Variants in MGAT5 observed in about 807,000 individuals in gnomAD.
The protein encoded by MGAT5 is alpha-1,6-mannosylglycoprotein 6-beta-N-acetylglucosaminyltransferase.
A neutral mutation model predicts 94.3 loss-of-function variants in MGAT5; 30 were observed. That is an observed-to-expected ratio of 0.32 (90% CI 0.24 to 0.43). The LOEUF is 0.43. Ranked by LOEUF, MGAT5 falls within the 20% of genes least tolerant of loss-of-function variation. The pLI, the probability that MGAT5 is intolerant of heterozygous loss-of-function variation, is 1.00. For synonymous variants in MGAT5, 310 were observed against 322.9 expected (o/e 0.96, Z 0.43); for missense variants, 691 against 905.5 (o/e 0.76, Z 3.04).
intron 2 of MGAT5, among the ~76,000 whole-genome samples, chr2:134,280,423 G>C (rs1174874735): frequency 6.6e-6 from 1 of 152,188 alleles, no homozygotes; most frequent in African/African-American, 2.4e-5. Flanking sequence ...AGTCACCCGA[G>C]GACGACATGT....
intron 1 of MGAT5, among the ~76,000 whole-genome samples, chr2:134,218,836 A>G (rs944042215): frequency 1.3e-5 from 2 of 152,182 alleles, no homozygotes; most frequent in African/African-American, 4.8e-5. Flanking sequence ...TCATTCGATT[A>G]GCCTGCCACA....
At chr2:134,364,623 G>A (rs1680308883) in intron 10 of MGAT5, among the ~76,000 whole-genome samples, 1 of 152,206 alleles carries the variant, frequency 6.6e-6, no homozygotes, top group Admixed American at 6.5e-5. Flanking sequence ...CTGTGTACCT[G>A]TGCTGTGCAG....
Position 134,276,884 on chromosome 2 carries a change from A to T in MGAT5, c.406+6334A>T, listed in dbSNP as rs78838048. Among the ~76,000 whole-genome samples the T allele has an allele frequency of 7.4e-3, 1,130 of 152,278 alleles. 17 individuals are homozygous for T. The highest frequency in any genetic ancestry group is 0.026 in the African/African-American group (1,069 of 41,540). ...CCCACGTTAGGGTGAAGCTGGTGTT[A>T]TGGGGACACGGACAGACCGTGGGAC... On this transcript the variant is annotated intron_variant, in intron 2 of 15. Transcript: ENST00000281923.
chr2:134,282,603 C>G (rs538552513), intron 2 of MGAT5, among the ~76,000 whole-genome samples: 78 of 152,284 alleles, frequency 5.1e-4, no homozygotes, highest in Non-Finnish European at 8.2e-4. Flanking sequence ...TGTTCTGTGC[C>G]AGGCACTGTC....
At chr2:134,142,050 A>T (rs1437387437) in intron 1 of MGAT5, among the ~76,000 whole-genome samples, 1 of 152,110 alleles carries the variant, frequency 6.6e-6, no homozygotes, top group Non-Finnish European at 1.5e-5. Flanking sequence ...GAGCAGGGGA[A>T]CTTGAAGTGG....
rs138428809 is a variant in MGAT5 at position 134,142,207 on chromosome 2, A to T, written c.-143+21916A>T. Among the ~76,000 whole-genome samples, 218 of 152,294 alleles carry T rather than the reference A, an allele frequency of 1.4e-3. 2 individuals are homozygous for T. The highest frequency in any genetic ancestry group is 5.1e-3 in the African/African-American group (213 of 41,552). On this transcript the variant is annotated intron_variant, in intron 1 of 16. Coordinates refer to the MGAT5 transcript ENST00000409645. ...AAGCTGTGCTGAGCCTGAGAGGGGA[A>T]AGGTGGGCCCTGTGGTTTAGGTGTT...
intron 1 of MGAT5, among the ~76,000 whole-genome samples, chr2:134,230,816 G>T (rs1681319124): frequency 1.2e-5 from 1 of 86,028 alleles, no homozygotes; most frequent in Non-Finnish European, 2.6e-5. Flanking sequence ...TATACTCAAG[G>T]GGAATGAAAA....
intron 8 of MGAT5, 111 bp downstream of exon 8, chr2:134,345,175 A>T (rs1688849080): frequency 1.8e-6 from 2 of 1,083,450 alleles, no homozygotes; most frequent in South Asian, 4.0e-5. Context: ...AGCTGTATGG[A>T]GTGTTGCTCA....
At chr2:134,243,093 G>T (rs559319684) in intron 1 of MGAT5, among the ~76,000 whole-genome samples, 2 of 151,880 alleles carry the variant, frequency 1.3e-5, no homozygotes, top group African/African-American at 4.8e-5. Flanking sequence ...CACATTTTGG[G>T]TTTCACTAGA....
chr2:134,246,970 G>T (rs1040062762), intron 1 of MGAT5, among the ~76,000 whole-genome samples: 1 of 152,158 alleles, frequency 6.6e-6, no homozygotes, highest in African/African-American at 2.4e-5. Flanking sequence ...TGGTTCTGTG[G>T]TGAGCACAAA....
At chr2:134,312,059 G>A (rs904789594) in intron 2 of MGAT5, among the ~76,000 whole-genome samples, 6 of 152,248 alleles carry the variant, frequency 3.9e-5, no homozygotes, top group African/African-American at 1.2e-4. Flanking sequence ...AGACCAGCCT[G>A]GCCAACATGG....
At chr2:134,429,613 G>A (rs1684775880) in intron 14 of MGAT5, among the ~76,000 whole-genome samples, 1 of 152,162 alleles carries the variant, frequency 6.6e-6, no homozygotes, top group Non-Finnish European at 1.5e-5. Context: ...ACAGAGCCTG[G>A]CACATACATA....
intron 12 of MGAT5, among the ~76,000 whole-genome samples, chr2:134,414,270 G>A (rs1377758944): frequency 6.6e-6 from 1 of 151,478 alleles, no homozygotes; most frequent in African/African-American, 2.4e-5. Context: ...AATACTTAAT[G>A]TACATCTGTG....
At chr2:134,381,176 T>C (rs1681517495) in intron 10 of MGAT5, among the ~76,000 whole-genome samples, 1 of 152,284 alleles carries the variant, frequency 6.6e-6, no homozygotes, top group Non-Finnish European at 1.5e-5. Flanking sequence ...TAGCTGGGTA[T>C]GGTGGTGTGT....
At chr2:134,218,109 TATA>T (rs1331078683) in intron 1 of MGAT5, among the ~76,000 whole-genome samples, 1 of 151,948 alleles carries the variant, frequency 6.6e-6, no homozygotes, top group Non-Finnish European at 1.5e-5. Context: ...GTCACAGTGG[TATA>T]GATGAGGGTG....
upstream of MGAT5, among the ~76,000 whole-genome samples, chr2:134,251,199 A>C (rs992615027): frequency 3.1e-5 from 4 of 130,644 alleles, no homozygotes; most frequent in Admixed American, 2.2e-4. Flanking sequence ...ATGGGTTATC[A>C]AAAAAAAAAA....
intron 2 of MGAT5, among the ~76,000 whole-genome samples, chr2:134,294,280 T>C (rs1015523530): frequency 1.3e-5 from 2 of 152,176 alleles, no homozygotes; most frequent in Non-Finnish European, 2.9e-5. Context: ...AAGTAACTTT[T>C]TGTTTTCAGT....
intron 1 of MGAT5, among the ~76,000 whole-genome samples, chr2:134,201,493 G>A (rs1226493530): frequency 6.6e-6 from 1 of 152,168 alleles, no homozygotes; most frequent in African/African-American, 2.4e-5. Flanking sequence ...GGTGTGGGGA[G>A]TGAGTAATTA....
chr2:134,127,029 C>A (rs1379345342), intron 1 of MGAT5: 1 of 154,120 alleles, frequency 6.5e-6, no homozygotes, highest in Non-Finnish European at 1.5e-5. Context: ...TGTGTGATTT[C>A]TCTGTTTTCC....
Sources: gnomAD v4.1 joint callset for allele counts (sites outside exome capture counted in the v4.1 genomes callset) on GRCh38, gnomAD v4.1.1 for gene constraint, MANE v1.5 for transcripts, NCBI Gene and HGNC (gene_info 2026-07-23, HGNC 2026-07-21) for gene names.